ZPBP: variants seen among roughly 807,000 people sequenced by gnomAD.
ZPBP encodes zona pellucida binding protein.
A neutral mutation model predicts 44.8 loss-of-function variants in ZPBP; 26 were observed. That is an observed-to-expected ratio of 0.58 (90% CI 0.43 to 0.81). The LOEUF is 0.81. ZPBP is among the 30% of genes least tolerant of loss of function. The pLI, the probability that ZPBP is intolerant of heterozygous loss-of-function variation, is 0.00. For missense variants in ZPBP, 409 were observed against 434.0 expected, an observed-to-expected ratio of 0.94 and a Z score of 0.51; for synonymous variants, 174 against 153.2, an observed-to-expected ratio of 1.14 and a Z score of -1.00.
At chr7:49,923,048 G>A (rs895875328) in intron 1 of ZPBP, among the ~76,000 whole-genome samples, 1 of 152,160 alleles carries the variant, frequency 6.6e-6, no homozygotes, top group African/African-American at 2.4e-5. Context: ...CAACTTAAGA[G>A]AAAAGAGTGA....
chr7:50,019,997 G>A (rs948144408), intron 5 of ZPBP, among the ~76,000 whole-genome samples: 3 of 151,158 alleles, frequency 2.0e-5, no homozygotes, highest in Admixed American at 1.3e-4. Flanking sequence ...GCAGTAAGCT[G>A]AGATCACGCC....
chr7:50,085,766 G>A (rs899197722), intron 2 of ZPBP, among the ~76,000 whole-genome samples: 1 of 152,024 alleles, frequency 6.6e-6, no homozygotes, highest in Admixed American at 6.6e-5. Context: ...GAAAACAATA[G>A]GTTAACCAAA....
intron 2 of ZPBP, among the ~76,000 whole-genome samples, chr7:49,874,274 T>C (rs1791302160): frequency 6.6e-6 from 1 of 152,222 alleles, no homozygotes; most frequent in African/African-American, 2.4e-5. Context: ...ATTACAATAC[T>C]GCATTTTTAC....
intron 7 of ZPBP, among the ~76,000 whole-genome samples, chr7:49,950,120 G>A (rs183364643): frequency 2.0e-5 from 3 of 151,910 alleles, no homozygotes; most frequent in African/African-American, 7.2e-5. Context: ...CAATAAAACA[G>A]ATGTGCACCC....
At chr7:50,081,708 T>G (rs903444615) in intron 3 of ZPBP, 66 bp downstream of exon 3, 1 of 1,570,550 alleles carries the variant, frequency 6.4e-7, no homozygotes, top group Non-Finnish European at 8.7e-7. Context: ...GATACAAACA[T>G]TCTTTTTGTG....
intron 7 of ZPBP, among the ~76,000 whole-genome samples, chr7:49,978,049 T>C (rs1381463390): frequency 6.6e-6 from 1 of 150,854 alleles, no homozygotes; most frequent in Non-Finnish European, 1.5e-5. Context: ...GAATGCTACT[T>C]GATCTACAAG....
At chr7:50,057,319 A>G (rs2128829735) in intron 4 of ZPBP, among the ~76,000 whole-genome samples, 1 of 152,262 alleles carries the variant, frequency 6.6e-6, no homozygotes, top group South Asian at 2.1e-4. Context: ...ACAGACACAC[A>G]ACTCTCCCTC....
At chr7:49,954,261 A>AC in intron 7 of ZPBP, among the ~76,000 whole-genome samples, 1 of 152,258 alleles carries the variant, frequency 6.6e-6, no homozygotes, top group South Asian at 2.1e-4. Flanking sequence ...ATGAAGTTGA[A>AC]CCCCTACTTC....
intron 4 of ZPBP, among the ~76,000 whole-genome samples, chr7:50,055,361 C>T (rs1034163460): frequency 6.6e-6 from 1 of 152,142 alleles, no homozygotes; most frequent in African/African-American, 2.4e-5. Flanking sequence ...AAAATAGAAT[C>T]AATTGCATTT....
At chr7:49,934,051 A>AT (rs1229079555), downstream of ZPBP, among the ~76,000 whole-genome samples, 3 of 59,364 alleles carry the variant, frequency 5.1e-5, no homozygotes, top group African/African-American at 1.4e-4. Flanking sequence ...TTAAAGTATA[A>AT]TTAAAAAAAA....
chr7:50,089,219 T>A (rs909918932), intron 2 of ZPBP, among the ~76,000 whole-genome samples: 1 of 152,116 alleles, frequency 6.6e-6, no homozygotes, highest in Non-Finnish European at 1.5e-5. Flanking sequence ...AAGAATTTTA[T>A]GGCATGTGAA....
chr7:50,052,189 T>C (rs1215610193), intron 4 of ZPBP, among the ~76,000 whole-genome samples: 1 of 151,650 alleles, frequency 6.6e-6, no homozygotes, highest in African/African-American at 2.4e-5. Flanking sequence ...ATAATATATA[T>C]CCAACAAAGA....
intron 7 of ZPBP, among the ~76,000 whole-genome samples, chr7:49,981,593 A>AATTCTATAAATTATAT (rs1279253411): frequency 2.6e-4 from 6 of 23,046 alleles, no homozygotes; most frequent in Non-Finnish European, 3.7e-4. Context: ...TATATTATAT[A>AATTCTATAAATTATAT]ATTATATAAA....
Position 49,977,101 on chromosome 7 carries a change from C to CTAAATAAATAAATAAATAAATAAATAAA in ZPBP, c.961+6213_961+6240dup, listed in dbSNP as rs376730870. ...TGGGCGACAGAGCAAGACTCCGTCT[C>CTAAATAAATAAATAAATAAATAAATAAA]TAAATAAATAAATAAATAAATAAAT... On this transcript the variant is annotated intron_variant, in intron 7 of 7. Transcript: ENST00000046087. Among the ~76,000 whole-genome samples the CTAAATAAATAAATAAATAAATAAATAAA allele has an allele frequency of 5.0e-3, 693 of 138,502 alleles. 10 individuals carry two copies. The highest frequency in any genetic ancestry group is 0.016 in the African/African-American group (565 of 36,034). 90.9% of individuals were successfully genotyped at this position (138,502 alleles called of 152,430 possible).
chr7:50,014,290 C>G (rs951318392), intron 6 of ZPBP, among the ~76,000 whole-genome samples: 15 of 151,778 alleles, frequency 9.9e-5, no homozygotes, highest in Non-Finnish European at 1.2e-4. Context: ...GGAAAGGAAC[C>G]TAGAACATCC....
At chr7:49,996,478 G>T (rs1238804993) in intron 6 of ZPBP, among the ~76,000 whole-genome samples, 1 of 152,200 alleles carries the variant, frequency 6.6e-6, no homozygotes, top group Non-Finnish European at 1.5e-5. Flanking sequence ...GTCCCTGGAA[G>T]ATCTGATTAT....
intron 3 of ZPBP, among the ~76,000 whole-genome samples, chr7:50,066,266 T>G (rs1006658187): frequency 1.3e-4 from 19 of 150,676 alleles, no homozygotes; most frequent in African/African-American, 4.7e-4. Flanking sequence ...TCTTTCTTTT[T>G]TTTTTTTCTC....
intron 4 of ZPBP, among the ~76,000 whole-genome samples, chr7:50,054,853 C>G (rs1277006940): frequency 1.3e-5 from 2 of 152,050 alleles, no homozygotes; most frequent in Non-Finnish European, 2.9e-5. Flanking sequence ...TATTCAGACA[C>G]ACAAACATAC....
At chr7:49,979,054 G>A (rs1796659601) in intron 7 of ZPBP, among the ~76,000 whole-genome samples, 1 of 151,868 alleles carries the variant, frequency 6.6e-6, no homozygotes, top group Non-Finnish European at 1.5e-5. Context: ...GAGCAATGAT[G>A]ATGAGCCCAT....
Sources: allele counts gnomAD v4.1 joint callset (sites outside exome capture counted in the v4.1 genomes callset), GRCh38; gene constraint gnomAD v4.1.1; transcripts MANE v1.5; gene names NCBI Gene and HGNC (gene_info 2026-07-23, HGNC 2026-07-21).